Variants in DOCK4 observed in about 807,000 individuals in gnomAD.
DOCK4 encodes the protein dedicator of cytokinesis 4.
A neutral mutation model predicts 268.1 loss-of-function variants in DOCK4; 97 were observed. That is an observed-to-expected ratio of 0.36 (90% CI 0.31 to 0.43). The LOEUF (loss-of-function observed/expected upper bound fraction) is 0.43, where lower values mean the gene tolerates loss of function less well. DOCK4 is among the 20% of genes least tolerant of loss of function. The pLI is 1.00. For missense variants in DOCK4, 2,145 were observed against 2,455.7 expected, an observed-to-expected ratio of 0.87 and a Z score of 2.67; for synonymous variants, 954 against 887.2, an observed-to-expected ratio of 1.08 and a Z score of -1.34.
chr7:111,917,261 T>C (rs1047672789), intron 12 of DOCK4, among the ~76,000 whole-genome samples: 9 of 151,838 alleles, frequency 5.9e-5, no homozygotes, highest in Admixed American at 2.6e-4. Flanking sequence ...GCTGGGATTA[T>C]AGGTGTGAGC....
chr7:112,010,026 A>G (rs1801163238), intron 1 of DOCK4, among the ~76,000 whole-genome samples: 1 of 152,186 alleles, frequency 6.6e-6, no homozygotes, highest in Admixed American at 6.5e-5. Flanking sequence ...CATATTGCTC[A>G]GGCTGGTCTC....
In DOCK4 at chr7:111,728,095, G is replaced by A; in HGVS notation, c.*179C>T. ...TTCAGCCATACTTCATTTAACATCTGGCGTTTTAGATCAGCAACTTTTAAT... is the reference window on the plus strand; with the variant it reads ...TTCAGCCATACTTCATTTAACATCTAGCGTTTTAGATCAGCAACTTTTAAT... On this transcript the variant is annotated 3_prime_UTR_variant, in exon 53 of 53. Transcript: ENST00000428084. 2 of 448,304 alleles carry A rather than the reference G, an allele frequency of 4.5e-6. No homozygotes were observed. The highest frequency in any genetic ancestry group is 7.4e-6 in the Non-Finnish European group (2 of 270,306). The allele number at this position is 448,304 out of a possible 1,614,324, so 27.8% of individuals were successfully genotyped here. A position where few individuals can be genotyped will look rare whatever the true frequency, so the allele number is the denominator to read the frequency against.
In DOCK4 at chr7:111,808,866, G is replaced by A. The variant is rs1035650705; in HGVS notation, c.3121C>T (p.Arg1041Trp). The change falls in exon 30 of 53, where the codon CGG (arginine) becomes TGG (tryptophan). Residue 1041 changes from arginine to tryptophan, a missense_variant. Coordinates refer to ENST00000428084, the MANE Select transcript of DOCK4 (RefSeq NM_001363540.2). ...AAAATTTCACAACCCATTGTTACCCGCATGTCACCATACCTGAAATAGAAC... is the reference window on the plus strand; with the variant it reads ...AAAATTTCACAACCCATTGTTACCCACATGTCACCATACCTGAAATAGAAC... ...KKVLEKYGDMRVTMGCEIFSM... is the reference protein window; with the variant it reads ...KKVLEKYGDMWVTMGCEIFSM... 1.9e-6 allele frequency: 3 copies of A among 1,612,670 alleles called. No homozygotes were observed. Among genetic ancestry groups the A allele is most frequent in the African/African-American group, 1.3e-5 (1 of 74,866 alleles).
chr7:112,192,086 G>A (rs1820007756), intron 1 of DOCK4, among the ~76,000 whole-genome samples: 1 of 149,742 alleles, frequency 6.7e-6, no homozygotes, highest in Non-Finnish European at 1.5e-5. Flanking sequence ...TATATATAGT[G>A]TGCATTTATA....
intron 1 of DOCK4, among the ~76,000 whole-genome samples, chr7:112,104,424 G>GA (rs1214087095): frequency 2.0e-5 from 3 of 151,702 alleles, no homozygotes; most frequent in Non-Finnish European, 2.9e-5. Flanking sequence ...ACTCTAACGG[G>GA]AAAAAAAACT....
Position 111,874,897 on chromosome 7 carries a change from C to T in DOCK4, c.1744+2133G>A, listed in dbSNP as rs143909395. 3.0e-4 allele frequency among the ~76,000 whole-genome samples: 45 copies of T among 152,332 alleles called. No homozygotes were observed. In the East Asian group the frequency reaches 8.5e-3, roughly 29 times the overall value. ...TGAAATGCAAATTTGCTCTATGAAACTGCTCCTAGAGACCATATCACTTAG... is the reference window on the plus strand; with the variant it reads ...TGAAATGCAAATTTGCTCTATGAAATTGCTCCTAGAGACCATATCACTTAG... On this transcript the variant is annotated intron_variant, in intron 17 of 52. Coordinates refer to ENST00000428084, the MANE Select transcript of DOCK4 (RefSeq NM_001363540.2).
chr7:112,071,140 A>T (rs1216265862), intron 1 of DOCK4, among the ~76,000 whole-genome samples: 1 of 152,212 alleles, frequency 6.6e-6, no homozygotes, highest in East Asian at 1.9e-4. Flanking sequence ...TGTTCTACAA[A>T]ATCATTTTGT....
intron 12 of DOCK4, among the ~76,000 whole-genome samples, chr7:111,934,444 G>T (rs1794517164): frequency 6.6e-6 from 1 of 150,392 alleles, no homozygotes; most frequent in South Asian, 2.1e-4. Context: ...CAACTTCAAT[G>T]TGTGAACCTG....
intron 8 of DOCK4, among the ~76,000 whole-genome samples, chr7:111,957,392 G>A (rs1427636502): frequency 1.3e-5 from 2 of 152,164 alleles, no homozygotes; most frequent in African/African-American, 4.8e-5. Flanking sequence ...CTGACTGACT[G>A]TTGATTTAAG....
intron 1 of DOCK4, among the ~76,000 whole-genome samples, chr7:112,201,890 A>G (rs1163489429): frequency 6.6e-6 from 1 of 152,102 alleles, no homozygotes; most frequent in African/African-American, 2.4e-5. Flanking sequence ...TTTAATCTCT[A>G]TATTTATGAA....
At chr7:112,182,351 CATG>C (rs1466018530) in intron 1 of DOCK4, among the ~76,000 whole-genome samples, 1 of 152,092 alleles carries the variant, frequency 6.6e-6, no homozygotes, top group Admixed American at 6.5e-5. Flanking sequence ...ATGATCTCTC[CATG>C]ATGTAATATT....
intron 1 of DOCK4, among the ~76,000 whole-genome samples, chr7:112,062,677 C>T (rs1318586483): frequency 6.6e-6 from 1 of 152,080 alleles, no homozygotes; most frequent in Non-Finnish European, 1.5e-5. Flanking sequence ...CAATAGCTTT[C>T]ATTACTTTTT....
At chr7:112,083,202 G>A (rs942571423) in intron 1 of DOCK4, among the ~76,000 whole-genome samples, 6 of 152,020 alleles carry the variant, frequency 3.9e-5, no homozygotes, top group African/African-American at 2.4e-5. Context: ...TTAGGAATCA[G>A]TAGAATTTTT....
intron 13 of DOCK4, among the ~76,000 whole-genome samples, chr7:111,909,558 AAGG>A (rs1458549624): frequency 1.3e-5 from 2 of 152,258 alleles, no homozygotes; most frequent in Non-Finnish European, 2.9e-5. Flanking sequence ...GATAAAGAAA[AAGG>A]AGGATTGATT....
chr7:111,740,814 G>T (rs1359262572), intron 47 of DOCK4, among the ~76,000 whole-genome samples: 1 of 146,974 alleles, frequency 6.8e-6, no homozygotes, highest in Non-Finnish European at 1.5e-5. Context: ...GTCCTGGACT[G>T]CAGAAGGAAC....
chr7:111,741,179 G>A lies in DOCK4; in HGVS notation c.4955C>T (p.Ser1652Phe). 1 of 1,613,926 alleles carries A rather than the reference G, an allele frequency of 6.2e-7. No individual in the cohort carries two copies. The highest frequency in any genetic ancestry group is 8.5e-7 in the Non-Finnish European group (1 of 1,179,878). Residue 1652 changes from serine (S) to phenylalanine (F), a missense_variant, in exon 47 of 53, where the codon TCC (serine) becomes TTC (phenylalanine). Physicochemically the swap from Ser to Phe is radical, Grantham distance 155 (BLOSUM62 -2). This residue lies in a region of DOCK4 where 547 missense variants were observed against 469.0 expected (regional missense o/e 1.17). Transcript: ENST00000428084. ...LSYPAVNRYS[S>F]SSLSSQASAE... ...AGAAGCTTGTGAGGACAGTGAGGAG[G>A]AAGAATATCGGTTGACAGCTGGGTA...
At chr7:112,095,088 CAAA>C (rs61294814) in intron 1 of DOCK4, among the ~76,000 whole-genome samples, 1,976 of 152,250 alleles carry the variant, frequency 0.013, 44 homozygotes, top group African/African-American at 0.045. Context: ...TTTTGTACAG[CAAA>C]AGGATAATTT....
At chr7:111,750,656 G>A (rs1017511487) in intron 42 of DOCK4, among the ~76,000 whole-genome samples, 2 of 152,154 alleles carry the variant, frequency 1.3e-5, no homozygotes, top group Admixed American at 6.5e-5. Context: ...TGCCTGCCTT[G>A]AAATTACTAG....
intron 39 of DOCK4, among the ~76,000 whole-genome samples, chr7:111,760,961 T>A (rs1374510232): frequency 6.6e-6 from 1 of 152,166 alleles, no homozygotes; most frequent in Admixed American, 6.5e-5. Flanking sequence ...CAGTCATTGA[T>A]GAAGCACACT....
Sources: gnomAD v4.1 joint callset for allele counts (sites outside exome capture counted in the v4.1 genomes callset) on GRCh38, gnomAD v4.1.1 for gene constraint, gnomAD v4.1.1 regional missense constraint, MANE v1.5 for transcripts, NCBI Gene and HGNC (gene_info 2026-07-23, HGNC 2026-07-21) for gene names.